Variants in CCDC91 observed in about 807,000 individuals in gnomAD.
The protein encoded by CCDC91 is coiled-coil domain-containing protein 91.
Under a neutral mutation model 63.2 loss-of-function variants are expected in CCDC91, and 48 were observed. That is an observed-to-expected ratio of 0.76 (90% CI 0.60 to 0.97). CCDC91 has a LOEUF of 0.97. CCDC91 is among the 50% of genes least tolerant of loss of function. The probability of loss-of-function intolerance (pLI) is 0.00; values close to 1 mark genes in which losing one functional copy is unlikely to be tolerated. For synonymous variants in CCDC91, 167 were observed against 165.8 expected, an observed-to-expected ratio of 1.01 and a Z score of -0.06; for missense variants, 500 against 494.6, an observed-to-expected ratio of 1.01 and a Z score of -0.10.
chr12:28,461,475 C>A (rs1209079098), intron 11 of CCDC91, among the ~76,000 whole-genome samples: 2 of 151,878 alleles, frequency 1.3e-5, no homozygotes, highest in Non-Finnish European at 2.9e-5. Context: ...CTAAAAAGTT[C>A]TTTTTTCTGA....
chr12:28,356,377 CT>C lies in CCDC91; in HGVS notation c.577-6054del, dbSNP rs148925754. ...GTATGCACATATGGTATAATCTTAT[CT>C]TTTTTTGCACTACTCTGGCATTTAT... is the stretch of plus-strand genomic sequence containing the variant. On this transcript the variant is annotated intron_variant, in intron 6 of 12. Transcript: ENST00000536442. 9.2e-3 allele frequency among the ~76,000 whole-genome samples: 1,395 copies of C among 152,116 alleles called. 25 individuals are homozygous for C. Among genetic ancestry groups the C allele is most frequent in the African/African-American group, 0.032 (1,324 of 41,516 alleles).
chr12:28,282,355 T>C (rs1447588044), intron 3 of CCDC91, among the ~76,000 whole-genome samples: 2 of 152,156 alleles, frequency 1.3e-5, no homozygotes, highest in African/African-American at 4.8e-5. Context: ...AGTGAGAACA[T>C]GTAGTATTTG....
intron 8 of CCDC91, among the ~76,000 whole-genome samples, chr12:28,429,769 A>G (rs1948528529): frequency 6.6e-6 from 1 of 152,124 alleles, no homozygotes; most frequent in African/African-American, 2.4e-5. Flanking sequence ...AGATGCACAC[A>G]TTGTAGATGT....
In CCDC91 at chr12:28,366,785, A is replaced by C. The variant is rs1442412574; in HGVS notation, c.654+4270A>C. On this transcript the variant is annotated intron_variant, in intron 7 of 12. Coordinates refer to ENST00000536442, the MANE Select transcript of CCDC91 (RefSeq NM_018318.5). ...AATGAGGCCACTCCTCTGTGGTTTC[A>C]GTGGATGGTTTGTGGGGAACAATAA... 3.9e-5 allele frequency among the ~76,000 whole-genome samples: 6 copies of C among 152,222 alleles called. No homozygotes were observed. The East Asian group carries it at 1.2e-3, about 29-fold the overall frequency.
chr12:28,547,539 C>G (rs1451320570), intron 12 of CCDC91, among the ~76,000 whole-genome samples: 2 of 152,040 alleles, frequency 1.3e-5, no homozygotes, highest in Non-Finnish European at 2.9e-5. Flanking sequence ...TTCTGCGTAC[C>G]TGGGTCTTAC....
rs190860464 is a variant in CCDC91, at chr12:28,377,536, G to C, written c.655-13768G>C. Among the ~76,000 whole-genome samples, 7 of 151,942 alleles carry C rather than the reference G, an allele frequency of 4.6e-5. No homozygotes were observed. The East Asian group carries it at 1.4e-3, about 29-fold the overall frequency. ...TTTATGTTTCTTGGCCCATCTGTGG[G>C]TGCCTAAACTAAACATTCTCTGTAT... On this transcript the variant is annotated intron_variant, in intron 7 of 12. Transcript: ENST00000536442.
chr12:28,268,665 C>G (rs1947527727), intron 3 of CCDC91: 2 of 985,018 alleles, frequency 2.0e-6, no homozygotes, highest in Non-Finnish European at 1.2e-6. Flanking sequence ...TGCTTCAGAG[C>G]AAGCCCCGTG....
At chr12:28,509,050 A>G (rs779321765) in intron 12 of CCDC91, among the ~76,000 whole-genome samples, 1 of 151,974 alleles carries the variant, frequency 6.6e-6, no homozygotes, top group Non-Finnish European at 1.5e-5. Context: ...TCTATCTGCC[A>G]TAGCAGTTAT....
intron 1 of CCDC91, among the ~76,000 whole-genome samples, chr12:28,203,632 G>A (rs1228165971): frequency 2.0e-5 from 3 of 152,190 alleles, no homozygotes; most frequent in Admixed American, 1.3e-4. Context: ...TTAGGGAGGT[G>A]TCTGCAGTAT....
chr12:28,394,388 C>T (rs1444844277), intron 8 of CCDC91, among the ~76,000 whole-genome samples: 1 of 151,888 alleles, frequency 6.6e-6, no homozygotes, highest in East Asian at 1.9e-4. Context: ...ATGGCGTGAA[C>T]CTGGGAGGTG....
intron 11 of CCDC91, among the ~76,000 whole-genome samples, chr12:28,470,165 A>G (rs775740019): frequency 6.6e-6 from 1 of 152,146 alleles, no homozygotes; most frequent in Non-Finnish European, 1.5e-5. Context: ...AATGAGAGAA[A>G]ATATTTGCAA....
intron 7 of CCDC91, among the ~76,000 whole-genome samples, chr12:28,368,746 C>T (rs1944428114): frequency 6.6e-6 from 1 of 152,136 alleles, no homozygotes; most frequent in South Asian, 2.1e-4. Context: ...AATTGCCTCA[C>T]AGTTCTGCCT....
chr12:28,219,775 C>T (rs1943813848), intron 1 of CCDC91, among the ~76,000 whole-genome samples: 1 of 151,960 alleles, frequency 6.6e-6, no homozygotes, highest in South Asian at 2.1e-4. Flanking sequence ...GCCCGGCCCC[C>T]ATTGTAACCA....
At chr12:28,352,430 C>G (rs1484232501) in intron 6 of CCDC91, among the ~76,000 whole-genome samples, 1 of 152,214 alleles carries the variant, frequency 6.6e-6, no homozygotes, top group African/African-American at 2.4e-5. Context: ...CTCTCAATTC[C>G]TGCCACTACT....
chr12:28,304,405 A>G (rs1938469179), intron 3 of CCDC91, among the ~76,000 whole-genome samples: 1 of 85,034 alleles, frequency 1.2e-5, no homozygotes, highest in Non-Finnish European at 2.6e-5. Context: ...AAAAAAAGAA[A>G]AAAAAAAAAA....
Position 28,306,684 on chromosome 12 carries a change from A to G in CCDC91, c.268-58A>G, listed in dbSNP as rs928258766. On this transcript the variant is annotated intron_variant, in intron 4 of 12. Coordinates refer to ENST00000536442, the MANE Select transcript of CCDC91 (RefSeq NM_018318.5). ...TTTCTAGTGCCCTTTGGATGTTTTC[A>G]TTATTGGTATAGTGTAAACTTTCCT... The G allele has an allele frequency of 9.1e-6, 11 of 1,208,948 alleles. No individual in the cohort carries two copies. The African/African-American group carries it at 1.2e-4, about 14-fold the overall frequency. The allele number at this position is 1,208,948 out of a possible 1,614,324, so 74.9% of individuals were successfully genotyped here.
chr12:28,526,006 G>A (rs766965650), intron 12 of CCDC91, among the ~76,000 whole-genome samples: 6 of 151,950 alleles, frequency 3.9e-5, no homozygotes, highest in Non-Finnish European at 8.8e-5. Context: ...GGTGTGTCTC[G>A]AAGGCAGCAG....
intron 3 of CCDC91, among the ~76,000 whole-genome samples, chr12:28,261,645 CAG>C (rs1946829018): frequency 6.6e-6 from 1 of 151,914 alleles, no homozygotes; most frequent in African/African-American, 2.4e-5. Flanking sequence ...AAAGCATGAA[CAG>C]AGTCTCTTTT....
At chr12:28,275,472 G>A (rs1948143252) in intron 3 of CCDC91, among the ~76,000 whole-genome samples, 2 of 152,062 alleles carry the variant, frequency 1.3e-5, no homozygotes, top group Non-Finnish European at 2.9e-5. Context: ...AATTGAGGCA[G>A]TAAGTAATAG....
Sources: allele counts gnomAD v4.1 joint callset (sites outside exome capture counted in the v4.1 genomes callset), GRCh38; gene constraint gnomAD v4.1.1; transcripts MANE v1.5; gene names NCBI Gene and HGNC (gene_info 2026-07-23, HGNC 2026-07-21).